The following PDGFD variants were observed in gnomAD, a reference collection of about 807,000 sequenced individuals.
The protein encoded by PDGFD is platelet-derived growth factor D.
In PDGFD, 30 loss-of-function variants were observed where a neutral mutation model predicts 44.7. The ratio of observed to expected loss-of-function variants is 0.67; its 90% CI spans 0.50 to 0.91. The LOEUF (loss-of-function observed/expected upper bound fraction) is 0.91, where lower values mean the gene tolerates loss of function less well. Ranked by LOEUF, PDGFD falls within the 40% of genes least tolerant of loss-of-function variation. PDGFD has a pLI of 0.00. For missense variants in PDGFD, 445 were observed against 457.8 expected, an observed-to-expected ratio of 0.97 and a Z score of 0.25; for synonymous variants, 173 against 168.4, an observed-to-expected ratio of 1.03 and a Z score of -0.21.
chr11:104,096,154 CA>C (rs1305879216), intron 1 of PDGFD, among the ~76,000 whole-genome samples: 2 of 151,914 alleles, frequency 1.3e-5, no homozygotes, highest in East Asian at 1.9e-4. Context: ...CTAAAAATAT[CA>C]ATTGAAGTTT....
intron 1 of PDGFD, among the ~76,000 whole-genome samples, chr11:104,153,363 G>A (rs1260231637): frequency 1.3e-5 from 2 of 152,196 alleles, no homozygotes; most frequent in African/African-American, 4.8e-5. Context: ...AATGGACAGT[G>A]AGGATGTTCA....
intron 6 of PDGFD, among the ~76,000 whole-genome samples, chr11:103,924,124 C>A (rs1394304261): frequency 6.6e-6 from 1 of 152,132 alleles, no homozygotes; most frequent in Non-Finnish European, 1.5e-5. Context: ...CTTTGGGGGT[C>A]TATGGTTCAC....
At chr11:103,933,482 C>T (rs370786768) in intron 5 of PDGFD, among the ~76,000 whole-genome samples, 216 of 152,312 alleles carry the variant, frequency 1.4e-3, no homozygotes, top group African/African-American at 5.0e-3. Flanking sequence ...ATGAAAGACA[C>T]TGAATTTTGT....
intron 1 of PDGFD, among the ~76,000 whole-genome samples, chr11:104,049,090 C>CA (rs1169548064): frequency 6.6e-6 from 1 of 152,172 alleles, no homozygotes; most frequent in Non-Finnish European, 1.5e-5. Flanking sequence ...TGTGTTAAAT[C>CA]ACTCTATCAT....
At chr11:103,931,497 T>C (rs139918774) in intron 5 of PDGFD, among the ~76,000 whole-genome samples, 7 of 152,368 alleles carry the variant, frequency 4.6e-5, no homozygotes, top group African/African-American at 9.6e-5. Context: ...TAGAATCACA[T>C]GCTTTTTTCT....
chr11:104,094,461 A>C (rs541735064), intron 1 of PDGFD, among the ~76,000 whole-genome samples: 1 of 152,178 alleles, frequency 6.6e-6, no homozygotes, highest in Non-Finnish European at 1.5e-5. Flanking sequence ...CCAAAAACCT[A>C]CTTGAGATGC....
intron 1 of PDGFD, among the ~76,000 whole-genome samples, chr11:104,064,701 A>G (rs1414478155): frequency 1.3e-5 from 2 of 152,234 alleles, no homozygotes; most frequent in East Asian, 3.9e-4. Context: ...AGGTCTCTGG[A>G]ACAATGGCTA....
intron 1 of PDGFD, among the ~76,000 whole-genome samples, chr11:104,160,673 C>G (rs1862375160): frequency 6.6e-6 from 1 of 152,106 alleles, no homozygotes; most frequent in Non-Finnish European, 1.5e-5. Context: ...ATAGTTTAAT[C>G]TTTCTTAGTT....
chr11:103,992,113 A>T (rs1443314944), intron 3 of PDGFD, among the ~76,000 whole-genome samples: 1 of 152,220 alleles, frequency 6.6e-6, no homozygotes, highest in Non-Finnish European at 1.5e-5. Context: ...AACATTATCC[A>T]TTCTGCTTAA....
intron 1 of PDGFD, among the ~76,000 whole-genome samples, chr11:104,047,141 T>G (rs897908738): frequency 9.5e-5 from 14 of 147,614 alleles, no homozygotes; most frequent in African/African-American, 3.5e-4. Flanking sequence ...AGTCTATCAT[T>G]GATGGGCATT....
At chr11:104,005,672 C>A (rs1472820031) in intron 1 of PDGFD, among the ~76,000 whole-genome samples, 1 of 152,164 alleles carries the variant, frequency 6.6e-6, no homozygotes. Flanking sequence ...TCACAACAAC[C>A]CCATGCCATT....
chr11:104,098,855 A>C lies in PDGFD; in HGVS notation c.124+64949T>G, dbSNP rs576655339. Among the ~76,000 whole-genome samples, 148 of 152,214 alleles carry C rather than the reference A, an allele frequency of 9.7e-4. 1 individual carries two copies. Among genetic ancestry groups the C allele is most frequent in the Non-Finnish European group, 1.8e-3 (120 of 68,010 alleles). ...AATACAAAAAGGAAGAAAAATGCAC[A>C]ATGTTATACAGAACTGGGCAAGCCA... On this transcript the variant is annotated intron_variant, in intron 1 of 6. Coordinates refer to ENST00000393158, the MANE Select transcript of PDGFD (RefSeq NM_025208.5).
rs951454876 is a variant in PDGFD at position 103,939,858 on chromosome 11, C to T, written c.772+3594G>A. Reference sequence around the variant, plus strand: ...TTAGGTTTGAAACTACAGTTATCTACAGATTTCAATTATATACGCTACCCT... The same window carrying T: ...TTAGGTTTGAAACTACAGTTATCTATAGATTTCAATTATATACGCTACCCT... On this transcript the variant is annotated intron_variant, in intron 5 of 6. Coordinates refer to ENST00000393158, the MANE Select transcript of PDGFD (RefSeq NM_025208.5). 4.6e-5 allele frequency among the ~76,000 whole-genome samples: 7 copies of T among 152,096 alleles called. No individual in the cohort carries two copies. In the East Asian group the frequency reaches 9.6e-4, roughly 21 times the overall value.
rs75882748 is a variant in PDGFD, at chr11:104,042,472, T to C, written c.125-42217A>G. Among the ~76,000 whole-genome samples the C allele has an allele frequency of 8.7e-3, 1,330 of 152,334 alleles. 23 individuals are homozygous for C. The highest frequency in any genetic ancestry group is 0.03 in the African/African-American group (1,267 of 41,570). On this transcript the variant is annotated intron_variant, in intron 1 of 6. Coordinates refer to ENST00000393158, the MANE Select transcript of PDGFD (RefSeq NM_025208.5). ...GGTGTACCTGGAGTGGCTTTGTCTC[T>C]TACTACAGCAATGAATGTTTTCTGA... is the stretch of plus-strand genomic sequence containing the variant.
At position 104,020,577 on chromosome 11, in the gene PDGFD, A is replaced by G. The variant is rs371780667; in HGVS notation, c.125-20322T>C. The stretch of plus-strand genomic sequence containing the variant: ...GGGACATAATAAATGTTTTTAGAAT[A>G]TGATAGAAGAGGCAGTGGAAAACAT... On this transcript the variant is annotated intron_variant, in intron 1 of 6. Coordinates refer to ENST00000393158, the MANE Select transcript of PDGFD (RefSeq NM_025208.5). Among the ~76,000 whole-genome samples the G allele has an allele frequency of 1.8e-4, 27 of 152,290 alleles. No homozygotes were observed. In the South Asian group the frequency reaches 3.9e-3, roughly 22 times the overall value.
At position 103,942,666 on chromosome 11, in the gene PDGFD, T is replaced by C. The variant is rs148721089; in HGVS notation, c.772+786A>G. On this transcript the variant is annotated intron_variant, in intron 5 of 6. Coordinates refer to ENST00000393158, the MANE Select transcript of PDGFD (RefSeq NM_025208.5). ...CAGATATCAGATCTAGAAGGTAGAA[T>C]TGAAATTTTCCAACAAAGTTTTGGC... Among the ~76,000 whole-genome samples the C allele has an allele frequency of 7.0e-4, 106 of 152,212 alleles. 2 individuals are homozygous for C. Among genetic ancestry groups the C allele is most frequent in the South Asian group, 4.6e-3 (22 of 4,828 alleles).
At chr11:103,931,953 G>A (rs546235647) in intron 5 of PDGFD, among the ~76,000 whole-genome samples, 19 of 152,250 alleles carry the variant, frequency 1.2e-4, no homozygotes, top group African/African-American at 4.6e-4. Context: ...GGGCCATGAT[G>A]TTTTTGAAAA....
At chr11:103,930,379 A>G (rs900098205) in intron 5 of PDGFD, among the ~76,000 whole-genome samples, 2 of 152,048 alleles carry the variant, frequency 1.3e-5, no homozygotes, top group Non-Finnish European at 2.9e-5. Flanking sequence ...ATAGTTTCTA[A>G]TATTAGGTGT....
intron 3 of PDGFD, among the ~76,000 whole-genome samples, chr11:103,969,845 C>T (rs1210176606): frequency 6.6e-6 from 1 of 151,774 alleles, no homozygotes; most frequent in Non-Finnish European, 1.5e-5. Context: ...TAATTCTGGA[C>T]CTGGAGAATA....
Sources: allele counts gnomAD v4.1 joint callset (sites outside exome capture counted in the v4.1 genomes callset), GRCh38; gene constraint gnomAD v4.1.1; transcripts MANE v1.5; gene names NCBI Gene and HGNC (gene_info 2026-07-23, HGNC 2026-07-21).